OTUD7A: variants seen among roughly 807,000 people sequenced by gnomAD.
OTUD7A encodes OTU deubiquitinase 7A, also known as OTU domain-containing protein 7A.
A neutral mutation model predicts 65.7 loss-of-function variants in OTUD7A; 12 were observed. The ratio of observed to expected loss-of-function variants is 0.18; its 90% CI spans 0.12 to 0.30. The LOEUF (loss-of-function observed/expected upper bound fraction) is 0.30, where lower values mean the gene tolerates loss of function less well. OTUD7A is among the 10% of genes least tolerant of loss of function. The probability of loss-of-function intolerance (pLI) is 1.00; values close to 1 mark genes in which losing one functional copy is unlikely to be tolerated. For synonymous variants in OTUD7A, 641 were observed against 586.3 expected (o/e 1.09, Z -1.35); for missense variants, 1,148 against 1,304.8 (o/e 0.88, Z 1.85).
At chr15:31,648,390 G>A (rs189570013) in intron 3 of OTUD7A, among the ~76,000 whole-genome samples, 1 of 152,144 alleles carries the variant, frequency 6.6e-6, no homozygotes, top group South Asian at 2.1e-4. Context: ...ACAAGTCCTT[G>A]AGCTGATTTC....
At chr15:31,782,676 AAAGT>A (rs1369548471) in intron 1 of OTUD7A, among the ~76,000 whole-genome samples, 1 of 152,254 alleles carries the variant, frequency 6.6e-6, no homozygotes, top group Non-Finnish European at 1.5e-5. Flanking sequence ...TGATGGAAAG[AAAGT>A]AATTTGGTGA....
chr15:31,497,646 G>T (rs2041407651), intron 10 of OTUD7A, among the ~76,000 whole-genome samples: 1 of 152,122 alleles, frequency 6.6e-6, no homozygotes, highest in African/African-American at 2.4e-5. Context: ...GACCCTGAAG[G>T]TTCCTGAGTC....
intron 1 of OTUD7A, among the ~76,000 whole-genome samples, chr15:31,730,568 T>C (rs1029654532): frequency 6.6e-5 from 10 of 152,230 alleles, no homozygotes; most frequent in Admixed American, 2.6e-4. Flanking sequence ...CAGAATTTTA[T>C]TTCCTGGCGT....
rs2041161821 is a variant in OTUD7A, at chr15:31,483,273, G to T, written c.*21C>A. On this transcript the variant is annotated 3_prime_UTR_variant, in exon 13 of 13. Transcript: ENST00000307050. ...AAATCCTCGAAGGTAGAACCTCGCC[G>T]CCCGCGCCGCGCCGCGCCGCTCAGG... 9.2e-7 allele frequency: 1 copy of T among 1,083,492 alleles called. No homozygotes were observed. Among genetic ancestry groups the T allele is most frequent in the Non-Finnish European group, 1.1e-6 (1 of 895,250 alleles). 67.1% of individuals were successfully genotyped at this position (1,083,492 alleles called of 1,614,324 possible).
chr15:31,566,654 G>A (rs1888885266), intron 4 of OTUD7A, among the ~76,000 whole-genome samples: 1 of 152,208 alleles, frequency 6.6e-6, no homozygotes, highest in Admixed American at 6.5e-5. Context: ...GGTGGGAGGT[G>A]TGTGGATTAG....
At chr15:31,767,405 A>G in intron 1 of OTUD7A, 1 of 775,420 alleles carries the variant, frequency 1.3e-6, no homozygotes, top group Admixed American at 1.7e-5. Context: ...CATGTCATTC[A>G]AATCCAACAT....
chr15:31,753,715 T>C lies in OTUD7A; in HGVS notation c.-99-96638A>G, dbSNP rs1894720377. 2.6e-5 allele frequency among the ~76,000 whole-genome samples: 3 copies of C among 117,146 alleles called. 1 individual carries two copies. The highest frequency in any genetic ancestry group is 2.5e-4 in the Admixed American group (3 of 11,974). The allele number at this position is 117,146 out of a possible 152,430, so 76.9% of individuals were successfully genotyped here. A position where few individuals can be genotyped will look rare whatever the true frequency, so the allele number is the denominator to read the frequency against. On this transcript the variant is annotated intron_variant, in intron 1 of 12. Coordinates refer to ENST00000307050, the MANE Select transcript of OTUD7A (RefSeq NM_001382637.1). ...TATATATATATATTATATATATATATATATATTATATATATATATATATAT... is the reference window on the plus strand; with the variant it reads ...TATATATATATATTATATATATATACATATATTATATATATATATATATAT...
intron 1 of OTUD7A, among the ~76,000 whole-genome samples, chr15:31,754,994 TGAGAGAGACA>T (rs1229819921): frequency 3.3e-5 from 5 of 150,666 alleles, no homozygotes; most frequent in Admixed American, 1.3e-4. Context: ...ACGAAGAGAG[TGAGAGAGACA>T]GAGAGAGAGA....
chr15:31,554,293 TG>T (rs1418871319), intron 5 of OTUD7A, among the ~76,000 whole-genome samples: 1 of 152,210 alleles, frequency 6.6e-6, no homozygotes, highest in Non-Finnish European at 1.5e-5. Flanking sequence ...TTCATCTGCC[TG>T]GAGTGTGGAG....
chr15:31,822,451 C>G (rs543440149), intron 1 of OTUD7A, among the ~76,000 whole-genome samples: 2 of 152,182 alleles, frequency 1.3e-5, no homozygotes, highest in African/African-American at 4.8e-5. Context: ...AGAAATTCGA[C>G]CAGCGTACCT....
At chr15:31,546,779 C>T (rs1888144681) in intron 5 of OTUD7A, among the ~76,000 whole-genome samples, 2 of 152,308 alleles carry the variant, frequency 1.3e-5, no homozygotes, top group South Asian at 4.1e-4. Flanking sequence ...CAGTGCAATA[C>T]ACCAATGAGA....
chr15:31,804,650 G>C (rs936918949), intron 1 of OTUD7A, among the ~76,000 whole-genome samples: 2 of 152,140 alleles, frequency 1.3e-5, no homozygotes, highest in African/African-American at 4.8e-5. Context: ...GAGGGGTGGG[G>C]CAGGGATGGC....
intron 3 of OTUD7A, among the ~76,000 whole-genome samples, chr15:31,630,375 G>T (rs373017051): frequency 6.6e-6 from 1 of 152,080 alleles, no homozygotes; most frequent in Non-Finnish European, 1.5e-5. Flanking sequence ...GGAGCAGGTT[G>T]TTCAGTTTCC....
chr15:31,733,835 G>C (rs1445597914), intron 1 of OTUD7A, among the ~76,000 whole-genome samples: 1 of 152,146 alleles, frequency 6.6e-6, no homozygotes, highest in East Asian at 1.9e-4. Context: ...GCAGTCAAGA[G>C]AAAGAGGAGA....
At chr15:31,772,270 A>T (rs947031020) in intron 1 of OTUD7A, among the ~76,000 whole-genome samples, 13 of 151,582 alleles carry the variant, frequency 8.6e-5, no homozygotes, top group African/African-American at 1.9e-4. Flanking sequence ...AAAAAAAAAA[A>T]ATATTTTAGA....
At chr15:31,630,379 A>C (rs1891104349) in intron 3 of OTUD7A, among the ~76,000 whole-genome samples, 1 of 152,030 alleles carries the variant, frequency 6.6e-6, no homozygotes, top group Non-Finnish European at 1.5e-5. Context: ...CAGGTTGTTC[A>C]GTTTCCATGT....
chr15:31,574,577 T>C (rs1181531007), intron 3 of OTUD7A, among the ~76,000 whole-genome samples: 4 of 152,182 alleles, frequency 2.6e-5, no homozygotes, highest in Admixed American at 2.0e-4. Context: ...CAAGGTAGAA[T>C]TCAGGCCAAA....
chr15:31,537,388 C>T (rs1039456425), intron 5 of OTUD7A, among the ~76,000 whole-genome samples: 10 of 152,110 alleles, frequency 6.6e-5, no homozygotes, highest in African/African-American at 9.7e-5. Context: ...GTTAAGTAGA[C>T]GAACATCTAT....
At chr15:31,834,844 G>T (rs145832503) in intron 1 of OTUD7A, among the ~76,000 whole-genome samples, 43 of 152,348 alleles carry the variant, frequency 2.8e-4, no homozygotes, top group African/African-American at 9.4e-4. Context: ...TTGCAAATAG[G>T]ACTGAGGTGC....
Sources: gnomAD v4.1 joint callset for allele counts (sites outside exome capture counted in the v4.1 genomes callset) on GRCh38, gnomAD v4.1.1 for gene constraint, MANE v1.5 for transcripts, NCBI Gene and HGNC (gene_info 2026-07-23, HGNC 2026-07-21) for gene names.